Variants in CABCOCO1 observed in about 807,000 individuals in gnomAD.
CABCOCO1 encodes the protein ciliary associated calcium binding coiled-coil 1, also known as ciliary-associated calcium-binding coiled-coil protein 1.
In CABCOCO1, 28 loss-of-function variants were observed where a neutral mutation model predicts 35.7. The ratio of observed to expected loss-of-function variants is 0.78; its 90% CI spans 0.58 to 1.07. CABCOCO1 has a LOEUF of 1.07. Ranked by LOEUF, CABCOCO1 falls within the 50% of genes least tolerant of loss-of-function variation. The pLI is 0.00. For missense variants in CABCOCO1, 326 were observed against 309.2 expected, an observed-to-expected ratio of 1.05 and a Z score of -0.41; for synonymous variants, 95 against 100.1, an observed-to-expected ratio of 0.95 and a Z score of 0.30.
chr10:61,737,736 T>C (rs1280061355), intron 5 of CABCOCO1, among the ~76,000 whole-genome samples: 1 of 152,120 alleles, frequency 6.6e-6, no homozygotes, highest in Admixed American at 6.5e-5. Context: ...TTCTCACTTA[T>C]AAGCGAGAGC....
intron 1 of CABCOCO1, among the ~76,000 whole-genome samples, chr10:61,667,477 G>C (rs949657248): frequency 6.6e-6 from 1 of 151,270 alleles, no homozygotes; most frequent in Non-Finnish European, 1.5e-5. Context: ...ATTGGGGTTT[G>C]AGACTGTCAT....
chr10:61,704,144 A>G (rs527669438), intron 5 of CABCOCO1, among the ~76,000 whole-genome samples: 1 of 152,256 alleles, frequency 6.6e-6, no homozygotes, highest in African/African-American at 2.4e-5. Context: ...GAATCGCTTG[A>G]ACCTGGGAGG....
chr10:61,719,704 G>A lies in CABCOCO1; in HGVS notation c.552+29083G>A, dbSNP rs924142680. On this transcript the variant is annotated intron_variant, in intron 5 of 7. Transcript: ENST00000648843. The stretch of plus-strand genomic sequence containing the variant: ...TGGGAGGCCGAGAGGTGGATCACCC[G>A]AGGTCAGGAGTTCAAGACCAACCTG... Among the ~76,000 whole-genome samples, 5 of 152,032 alleles carry A rather than the reference G, an allele frequency of 3.3e-5. No homozygotes were observed. The East Asian group carries it at 5.8e-4, about 18-fold the overall frequency.
chr10:61,765,646 C>A (rs914908456), intron 7 of CABCOCO1, among the ~76,000 whole-genome samples: 4 of 152,170 alleles, frequency 2.6e-5, no homozygotes, highest in Non-Finnish European at 4.4e-5. Flanking sequence ...TAAAGTCTGT[C>A]TGAAAATACA....
intron 5 of CABCOCO1, among the ~76,000 whole-genome samples, chr10:61,699,168 C>T (rs1840373570): frequency 6.6e-6 from 1 of 152,104 alleles, no homozygotes; most frequent in Non-Finnish European, 1.5e-5. Flanking sequence ...TCTATCTGCT[C>T]TACCTGGCAT....
At chr10:61,688,680 T>C (rs567353286) in intron 4 of CABCOCO1, among the ~76,000 whole-genome samples, 55 of 152,190 alleles carry the variant, frequency 3.6e-4, no homozygotes, top group African/African-American at 1.3e-3. Flanking sequence ...ATACCCAAAA[T>C]AAGAAAATCA....
At chr10:61,712,210 T>A (rs2132030687) in intron 5 of CABCOCO1, among the ~76,000 whole-genome samples, 1 of 152,336 alleles carries the variant, frequency 6.6e-6, no homozygotes, top group Non-Finnish European at 1.5e-5. Context: ...CTAACTGGTG[T>A]CAGATGGTTT....
At chr10:61,685,503 GA>G (rs1839929865) in intron 3 of CABCOCO1, 1 of 152,078 alleles carries the variant, frequency 6.6e-6, no homozygotes, top group South Asian at 2.1e-4. Context: ...TCCTAAAATG[GA>G]AACATAAACT....
chr10:61,757,576 G>C (rs1841923375), intron 5 of CABCOCO1, among the ~76,000 whole-genome samples: 1 of 151,944 alleles, frequency 6.6e-6, no homozygotes, highest in South Asian at 2.1e-4. Flanking sequence ...TCAAGGCAAA[G>C]AAAAGCTCAA....
intron 1 of CABCOCO1, among the ~76,000 whole-genome samples, chr10:61,671,065 G>A (rs915390229): frequency 1.3e-5 from 2 of 152,180 alleles, no homozygotes; most frequent in Admixed American, 1.3e-4. Context: ...CGTGGCCCAC[G>A]CCTGTAATCC....
At chr10:61,752,872 G>T (rs532026843) in intron 5 of CABCOCO1, among the ~76,000 whole-genome samples, 2 of 152,270 alleles carry the variant, frequency 1.3e-5, no homozygotes, top group Admixed American at 1.3e-4. Flanking sequence ...CTGAAGTGCA[G>T]TTCAATCAGT....
intron 5 of CABCOCO1, among the ~76,000 whole-genome samples, chr10:61,749,280 T>TA (rs1227097015): frequency 6.6e-6 from 1 of 152,218 alleles, no homozygotes; most frequent in Non-Finnish European, 1.5e-5. Context: ...CTCATTCCTC[T>TA]ATGTATTTTT....
chr10:61,695,020 T>C (rs1285246501), intron 5 of CABCOCO1, among the ~76,000 whole-genome samples: 1 of 152,072 alleles, frequency 6.6e-6, no homozygotes, highest in Non-Finnish European at 1.5e-5. Flanking sequence ...CAGTTTTTCA[T>C]AACCAGTGTT....
rs1466372941 is a variant in CABCOCO1 at position 61,680,717 on chromosome 10, C to T, written c.165-426C>T. Among the ~76,000 whole-genome samples, 15 of 91,268 alleles carry T rather than the reference C, an allele frequency of 1.6e-4. 1 individual carries two copies. Among genetic ancestry groups the T allele is most frequent in the Non-Finnish European group, 2.5e-4 (12 of 48,286 alleles). 59.9% of individuals were successfully genotyped at this position (91,268 alleles called of 152,430 possible). ...ACATATATATGTTATACATGTATAA[C>T]ATATATATTATATATATAATATATA... On this transcript the variant is annotated intron_variant, in intron 2 of 7. Transcript: ENST00000648843.
intron 5 of CABCOCO1, among the ~76,000 whole-genome samples, chr10:61,756,053 C>T (rs1278099476): frequency 1.3e-5 from 2 of 151,862 alleles, no homozygotes; most frequent in Non-Finnish European, 2.9e-5. Flanking sequence ...ATTTTATTTG[C>T]CATGTAAATA....
rs1841578006 is a variant in CABCOCO1, at chr10:61,742,814, AT to A, written c.553-17238del. ...ACTAGAAAATGTTGAGAGAGAAGTTATTTTTTTCAGCATAAGAACATATCTT... is the reference window on the plus strand; with the variant it reads ...ACTAGAAAATGTTGAGAGAGAAGTTATTTTTTCAGCATAAGAACATATCTT... On this transcript the variant is annotated intron_variant, in intron 5 of 7. Transcript: ENST00000648843. Among the ~76,000 whole-genome samples the A allele has an allele frequency of 2.0e-5, 3 of 152,180 alleles. No individual in the cohort carries two copies. The South Asian group carries it at 6.2e-4, about 31-fold the overall frequency.
intron 5 of CABCOCO1, among the ~76,000 whole-genome samples, chr10:61,744,216 AG>A (rs1341315485): frequency 2.0e-5 from 3 of 152,216 alleles, no homozygotes; most frequent in Non-Finnish European, 2.9e-5. Context: ...GATTTATAGA[AG>A]AGGGCAGGAG....
rs762616677 is a variant in CABCOCO1, at chr10:61,686,185, G to T, written c.479G>T (p.Ser160Ile). ...ANAIIDYLKISLFQHYKLYEF... is the reference protein window; with the variant it reads ...ANAIIDYLKIILFQHYKLYEF... Reference sequence around the variant, plus strand: ...GCTATCATTGATTACTTAAAAATCAGGTATGGATTATTTTCAGTAACATTT... The same window carrying T: ...GCTATCATTGATTACTTAAAAATCATGTATGGATTATTTTCAGTAACATTT... The change falls in exon 4 of 8, where the codon AGC becomes ATC. Residue 160 changes from serine (S) to isoleucine (I), a missense_variant and splice_region_variant. By Grantham distance (142) the Ser-to-Ile change is moderately radical. Coordinates refer to ENST00000648843, the MANE Select transcript of CABCOCO1 (RefSeq NM_001366906.2). 3.2e-6 allele frequency: 5 copies of T among 1,555,098 alleles called. No individual in the cohort carries two copies. Among genetic ancestry groups the T allele is most frequent in the Non-Finnish European group, 3.5e-6 (4 of 1,157,592 alleles).
intron 5 of CABCOCO1, among the ~76,000 whole-genome samples, chr10:61,695,768 C>T (rs539696513): frequency 2.6e-5 from 4 of 151,470 alleles, no homozygotes; most frequent in Admixed American, 6.6e-5. Flanking sequence ...AACTTCATTC[C>T]GAGAAAAAAA....
Sources: gnomAD v4.1 joint callset for allele counts (sites outside exome capture counted in the v4.1 genomes callset) on GRCh38, gnomAD v4.1.1 for gene constraint, MANE v1.5 for transcripts, NCBI Gene and HGNC (gene_info 2026-07-23, HGNC 2026-07-21) for gene names.